Variants in CNTN5 observed in about 807,000 individuals in gnomAD.
The protein encoded by CNTN5 is contactin-5.
In CNTN5, 77 loss-of-function variants were observed where a neutral mutation model predicts 129.1. The ratio of observed to expected loss-of-function variants is 0.60; its 90% CI spans 0.50 to 0.72. CNTN5 has a LOEUF of 0.72. Ranked by LOEUF, CNTN5 falls within the 30% of genes least tolerant of loss-of-function variation. The probability of loss-of-function intolerance (pLI) is 0.00; values close to 1 mark genes in which losing one functional copy is unlikely to be tolerated. For missense variants in CNTN5, 1,478 were observed against 1,328.8 expected (o/e 1.11, Z -1.75); for synonymous variants, 509 against 465.6 (o/e 1.09, Z -1.20).
At chr11:99,031,478 T>C (rs1863369328) in intron 1 of CNTN5, among the ~76,000 whole-genome samples, 1 of 151,722 alleles carries the variant, frequency 6.6e-6, no homozygotes, top group Non-Finnish European at 1.5e-5. Context: ...TTCAAAAAGG[T>C]ATGAGAAAAA....
At chr11:100,316,383 G>T (rs1260095448) in intron 21 of CNTN5, among the ~76,000 whole-genome samples, 1 of 152,126 alleles carries the variant, frequency 6.6e-6, no homozygotes, top group African/African-American at 2.4e-5. Context: ...AAAGCTCACA[G>T]TCTAATATTG....
At chr11:99,784,602 C>G (rs906929161) in intron 3 of CNTN5, among the ~76,000 whole-genome samples, 10 of 151,914 alleles carry the variant, frequency 6.6e-5, no homozygotes, top group African/African-American at 2.4e-4. Context: ...CATAGGATTG[C>G]TGGGTCAAAT....
intron 3 of CNTN5, among the ~76,000 whole-genome samples, chr11:99,596,433 C>T (rs116164055): frequency 1.9e-3 from 292 of 152,262 alleles, no homozygotes; most frequent in African/African-American, 6.9e-3. Context: ...GGGCTACTAT[C>T]TCTTATGTGA....
chr11:99,125,056 A>G (rs1235893951), intron 1 of CNTN5, among the ~76,000 whole-genome samples: 1 of 152,030 alleles, frequency 6.6e-6, no homozygotes, highest in East Asian at 1.9e-4. Context: ...GCTGGTACCA[A>G]TCCTACTGAA....
At chr11:99,313,473 A>G (rs1276282610) in intron 1 of CNTN5, among the ~76,000 whole-genome samples, 1 of 152,098 alleles carries the variant, frequency 6.6e-6, no homozygotes. Flanking sequence ...TTTGCTAAGA[A>G]CATACTAACA....
intron 2 of CNTN5, among the ~76,000 whole-genome samples, chr11:99,421,325 C>A (rs1304608354): frequency 4.6e-5 from 7 of 152,036 alleles, no homozygotes; most frequent in African/African-American, 1.2e-4. Context: ...AGAATTTTGA[C>A]AATAATTCAA....
chr11:100,240,929 G>C (rs543605742), intron 16 of CNTN5, among the ~76,000 whole-genome samples: 1 of 152,150 alleles, frequency 6.6e-6, no homozygotes, highest in Non-Finnish European at 1.5e-5. Context: ...TAGTGAGACT[G>C]AACAAATGTA....
chr11:99,634,230 A>G (rs1361912888), intron 3 of CNTN5, among the ~76,000 whole-genome samples: 1 of 152,250 alleles, frequency 6.6e-6, no homozygotes, highest in African/African-American at 2.4e-5. Context: ...GGGTATTTAA[A>G]GATAAATGTG....
intron 1 of CNTN5, among the ~76,000 whole-genome samples, chr11:99,044,656 G>A (rs1255588306): frequency 6.6e-6 from 1 of 152,136 alleles, no homozygotes; most frequent in East Asian, 1.9e-4. Flanking sequence ...ATGTTCTAGA[G>A]CAGACTTGGC....
chr11:99,971,136 C>A (rs536339654), intron 8 of CNTN5, among the ~76,000 whole-genome samples: 3 of 152,286 alleles, frequency 2.0e-5, no homozygotes, highest in African/African-American at 7.2e-5. Context: ...ACCCACACAG[C>A]CTTATGATAT....
chr11:99,818,657 G>A (rs1946672215), intron 3 of CNTN5, among the ~76,000 whole-genome samples: 1 of 152,044 alleles, frequency 6.6e-6, no homozygotes, highest in African/African-American at 2.4e-5. Context: ...TTTCTCTTTA[G>A]AGTTCATCAT....
chr11:99,112,148 A>G (rs927161343), intron 1 of CNTN5, among the ~76,000 whole-genome samples: 3 of 152,066 alleles, frequency 2.0e-5, no homozygotes, highest in Admixed American at 1.3e-4. Flanking sequence ...AAAGTAGAAA[A>G]GACATATGTT....
chr11:99,955,631 C>T (rs889244484), intron 7 of CNTN5, among the ~76,000 whole-genome samples: 4 of 152,044 alleles, frequency 2.6e-5, no homozygotes, highest in African/African-American at 9.7e-5. Context: ...ATGACCTCGG[C>T]TCACTGCAAG....
intron 3 of CNTN5, among the ~76,000 whole-genome samples, chr11:99,775,896 TAATA>T (rs1439247230): frequency 2.6e-5 from 4 of 152,090 alleles, no homozygotes; most frequent in Non-Finnish European, 5.9e-5. Flanking sequence ...AAATATAGGT[TAATA>T]AATAAAGACA....
intron 3 of CNTN5, among the ~76,000 whole-genome samples, chr11:99,582,819 C>G (rs1360373160): frequency 1.3e-5 from 2 of 152,218 alleles, no homozygotes; most frequent in Non-Finnish European, 2.9e-5. Context: ...CTTCCTCTCT[C>G]AACTCGTCAA....
At chr11:99,845,060 A>G (rs200415689) in intron 5 of CNTN5, 27 bp from the exon 6 acceptor site, 65 of 1,611,960 alleles carry the variant, frequency 4.0e-5, no homozygotes, top group Non-Finnish European at 5.3e-5. Context: ...AGGATTATAC[A>G]TATTTGTCTT....
intron 6 of CNTN5, among the ~76,000 whole-genome samples, chr11:99,859,308 A>T (rs1213132380): frequency 2.6e-5 from 4 of 152,226 alleles, no homozygotes; most frequent in Non-Finnish European, 5.9e-5. Context: ...TCTGATGTAC[A>T]TATGCACATT....
chr11:99,291,675 T>C (rs1363749571), intron 1 of CNTN5, among the ~76,000 whole-genome samples: 1 of 152,004 alleles, frequency 6.6e-6, no homozygotes, highest in Non-Finnish European at 1.5e-5. Context: ...CTTTGTTCTT[T>C]AGTTAATAAG....
At chr11:100,285,773 C>A (rs1250293434) in intron 18 of CNTN5, among the ~76,000 whole-genome samples, 2 of 152,200 alleles carry the variant, frequency 1.3e-5, no homozygotes, top group South Asian at 2.1e-4. Context: ...CGAATAGGAA[C>A]AGCTCCGGTC....
Sources: gnomAD v4.1 joint callset for allele counts (sites outside exome capture counted in the v4.1 genomes callset) on GRCh38, gnomAD v4.1.1 for gene constraint, MANE v1.5 for transcripts, NCBI Gene and HGNC (gene_info 2026-07-23, HGNC 2026-07-21) for gene names.